COPS8: variants seen among roughly 807,000 people sequenced by gnomAD.
The protein encoded by COPS8 is COP9 signalosome complex subunit 8.
In COPS8, 11 loss-of-function variants were observed where a neutral mutation model predicts 31.5. That is an observed-to-expected ratio of 0.35 (90% CI 0.22 to 0.58). The LOEUF is 0.58. Among genes scored for constraint, COPS8 ranks in the 20% least tolerant of loss-of-function variants. The probability of loss-of-function intolerance (pLI) is 0.83; values close to 1 mark genes in which losing one functional copy is unlikely to be tolerated. For missense variants in COPS8, 215 were observed against 255.1 expected (o/e 0.84, Z 1.07); for synonymous variants, 81 against 89.3 (o/e 0.91, Z 0.52).
chr2:237,092,353 A>C (rs766332098), intron 4 of COPS8, among the ~76,000 whole-genome samples: 2 of 152,094 alleles, frequency 1.3e-5, no homozygotes, highest in Non-Finnish European at 2.9e-5. Context: ...TTCTCCCATC[A>C]CATGTTTTTC....
intron 2 of COPS8, chr2:237,087,604 T>A (rs184832287): frequency 1.1e-3 from 273 of 246,032 alleles, no homozygotes; most frequent in African/African-American, 5.9e-3. Flanking sequence ...TAATTATTCC[T>A]ATTTCACGTT....
At position 237,089,883 on chromosome 2, in the gene COPS8, A is replaced by G; in HGVS notation, c.220A>G (p.Ile74Val). The G allele has an allele frequency of 6.2e-7, 1 of 1,612,744 alleles. No individual in the cohort carries two copies. Among genetic ancestry groups the G allele is most frequent in the Non-Finnish European group, 8.5e-7 (1 of 1,179,864 alleles). The change falls in exon 4 of 8, where the codon ATT (isoleucine) becomes GTT (valine). Residue 74 changes from isoleucine to valine, a missense_variant. Ile to Val is a conservative substitution (Grantham distance 29, BLOSUM62 3). Transcript: ENST00000354371. ...IKSANSELGG[I>V]WSVGQRIWQR... ...GCAGGCAAATTCTGAACTTGGGGGA[A>G]TTTGGTCAGTAGGACAAAGAATCTG...
intron 3 of COPS8, 115 bp downstream of exon 3, chr2:237,088,768 G>A: frequency 1.7e-6 from 1 of 593,024 alleles, no homozygotes; most frequent in Non-Finnish European, 2.9e-6. Flanking sequence ...CATCAGATTG[G>A]TATTAAGGAT....
Position 237,085,913 on chromosome 2 carries a change from C to G in COPS8, c.-52C>G, listed in dbSNP as rs1332282195. 3.8e-6 allele frequency: 6 copies of G among 1,559,930 alleles called. No homozygotes were observed. Among genetic ancestry groups the G allele is most frequent in the East Asian group, 2.3e-5 (1 of 43,438 alleles). ...CATCGCGGGCGCGACGCCTGAGGGA[C>G]AGTCTGGGGTTTGGCTGTCCGGACG... On this transcript the variant is annotated 5_prime_UTR_variant, in exon 1 of 8. Transcript: ENST00000354371.
intron 4 of COPS8, among the ~76,000 whole-genome samples, chr2:237,092,739 GC>G (rs1342241127): frequency 6.6e-6 from 1 of 152,204 alleles, no homozygotes; most frequent in Non-Finnish European, 1.5e-5. Flanking sequence ...GCAGACAGTG[GC>G]TGAGTGAAAG....
intron 2 of COPS8, 87 bp downstream of exon 2, chr2:237,087,284 A>C (rs1284310516): frequency 2.3e-5 from 20 of 882,248 alleles, no homozygotes; most frequent in Admixed American, 2.2e-4. Context: ...ACCACTAAAC[A>C]TAGGCACAAC....
chr2:237,097,005 G>T, intron 7 of COPS8, 136 bp downstream of exon 7: 1 of 675,386 alleles, frequency 1.5e-6, no homozygotes. Context: ...TCATAAATGC[G>T]TAGTAATACA....
At chr2:237,091,989 A>C (rs773856867) in intron 4 of COPS8, among the ~76,000 whole-genome samples, 5 of 152,364 alleles carry the variant, frequency 3.3e-5, no homozygotes, top group Middle Eastern at 3.4e-3. Flanking sequence ...ATGGCTGGGA[A>C]AGACAGAAGA....
chr2:237,086,474 A>G (rs1696615105), intron 1 of COPS8, among the ~76,000 whole-genome samples: 2 of 152,100 alleles, frequency 1.3e-5, no homozygotes, highest in Admixed American at 1.3e-4. Flanking sequence ...TTAACTCACA[A>G]AGCCTTTCTC....
At chr2:237,091,390 A>G (rs1395177273) in intron 4 of COPS8, among the ~76,000 whole-genome samples, 1 of 152,236 alleles carries the variant, frequency 6.6e-6, no homozygotes, top group Non-Finnish European at 1.5e-5. Flanking sequence ...TCAGGTTGTA[A>G]ATGAGTTAAT....
intron 4 of COPS8, among the ~76,000 whole-genome samples, chr2:237,090,502 A>G (rs1696688066): frequency 6.6e-6 from 1 of 152,348 alleles, no homozygotes; most frequent in South Asian, 2.1e-4. Context: ...CTGCCTCTCT[A>G]CAGTCTCTCA....
At chr2:237,092,136 G>A (rs1696715202) in intron 4 of COPS8, among the ~76,000 whole-genome samples, 2 of 152,230 alleles carry the variant, frequency 1.3e-5, no homozygotes, top group Admixed American at 1.3e-4. Flanking sequence ...CCAAAAATGT[G>A]TTCCATCAAC....
chr2:237,092,058 TGATG>T (rs1696714173), intron 4 of COPS8, among the ~76,000 whole-genome samples: 1 of 152,216 alleles, frequency 6.6e-6, no homozygotes, highest in South Asian at 2.1e-4. Flanking sequence ...GCACTGGCAG[TGATG>T]GATGAGCAGC....
intron 6 of COPS8, 126 bp downstream of exon 6, chr2:237,096,010 T>A (rs1473061195): frequency 1.5e-6 from 1 of 660,538 alleles, no homozygotes; most frequent in Non-Finnish European, 2.7e-6. Flanking sequence ...AAATAACTCA[T>A]TTTAAATAAA....
rs1371706484 is a variant in COPS8 at position 237,087,175 on chromosome 2, T to C, written c.127T>C (p.Leu43=). Residue 43 remains leucine (L), a synonymous_variant, in exon 2 of 8, where the codon TTA becomes CTA. Transcript: ENST00000354371. ...TPPVYGQLLA[L]YLLHNDMNNA... The stretch of plus-strand genomic sequence containing the variant: ...CCCAGTGTATGGTCAGCTTCTAGCT[T>C]TATATTTGCTCCATAATGACATGTA... 1 of 1,608,934 alleles carries C rather than the reference T, an allele frequency of 6.2e-7. No individual in the cohort carries two copies.
chr2:237,096,890 AT>A (rs1169166508), intron 7 of COPS8, 21 bp downstream of exon 7: 19 of 1,541,492 alleles, frequency 1.2e-5, no homozygotes, highest in East Asian at 2.2e-5. Context: ...TCATATGCAC[AT>A]TTTTTAATGT....
At chr2:237,086,141 T>A in intron 1 of COPS8, 99 bp downstream of exon 1, 3 of 1,178,844 alleles carry the variant, frequency 2.5e-6, no homozygotes, top group Non-Finnish European at 3.7e-6. Context: ...TAGCGGGCTT[T>A]GGGAGCTCAC....
rs1275524136 is a variant in COPS8, at chr2:237,097,730, C to T, written c.618C>T (p.Phe206=). Residue 206 remains phenylalanine (F), a synonymous_variant, in exon 8 of 8, where the codon TTC becomes TTT. Transcript: ENST00000354371. ...QLARLTDYVA[F]LEN ...CCAGACTGACGGATTATGTGGCTTTCCTTGAAAACTGATTTATCACTCTGA... is the reference window on the plus strand; with the variant it reads ...CCAGACTGACGGATTATGTGGCTTTTCTTGAAAACTGATTTATCACTCTGA... 6.2e-6 allele frequency: 10 copies of T among 1,610,336 alleles called. No individual in the cohort carries two copies. The highest frequency in any genetic ancestry group is 8.5e-6 in the Non-Finnish European group (10 of 1,177,914).
Position 237,096,803 on chromosome 2 carries a change from A to G in COPS8, c.503-19A>G, listed in dbSNP as rs759349566. On this transcript the variant is annotated intron_variant, in intron 6 of 7. Coordinates refer to ENST00000354371, the MANE Select transcript of COPS8 (RefSeq NM_006710.5). ...ATGACTTCTGTAAATTGAGCTGTAC[A>G]TTTTTTTTTTGAATTTAGTTGCAGG... 6.9e-7 allele frequency: 1 copy of G among 1,441,050 alleles called. No homozygotes were observed. Among genetic ancestry groups the G allele is most frequent in the Non-Finnish European group, 9.5e-7 (1 of 1,047,670 alleles). The allele number at this position is 1,441,050 out of a possible 1,614,324, so 89.3% of individuals were successfully genotyped here.
Sources: gnomAD v4.1 joint callset for allele counts (sites outside exome capture counted in the v4.1 genomes callset) on GRCh38, gnomAD v4.1.1 for gene constraint, MANE v1.5 for transcripts, NCBI Gene and HGNC (gene_info 2026-07-23, HGNC 2026-07-21) for gene names.